ANKIB1: variants seen among roughly 807,000 people sequenced by gnomAD.
The protein encoded by ANKIB1 is ankyrin repeat and IBR domain-containing protein 1.
ANKIB1 carries 43 observed loss-of-function variants against 122.1 expected under a neutral mutation model. The ratio of observed to expected loss-of-function variants is 0.35; its 90% CI spans 0.28 to 0.45. The LOEUF is 0.45. Among genes scored for constraint, ANKIB1 ranks in the 20% least tolerant of loss-of-function variants. The pLI is 1.00. For synonymous variants in ANKIB1, 390 were observed against 442.0 expected (o/e 0.88, Z 1.48); for missense variants, 992 against 1,329.5 (o/e 0.75, Z 3.95).
At chr7:92,248,888 C>CTTTTTTTTTTTTTTTTTTTTTTTTTT (rs778549860) in intron 1 of ANKIB1, among the ~76,000 whole-genome samples, 1 of 123,040 alleles carries the variant, frequency 8.1e-6, no homozygotes, top group Non-Finnish European at 1.7e-5. Context: ...TCTTTTCTTT[C>CTTTTTTTTTTTTTTTTTTTTTTTTTT]TTTTTTTTTT....
At chr7:92,357,209 G>A (rs540080328) in intron 9 of ANKIB1, among the ~76,000 whole-genome samples, 6 of 152,246 alleles carry the variant, frequency 3.9e-5, no homozygotes, top group South Asian at 2.1e-4. Context: ...TTTGAGCTAC[G>A]TGGAGGAGTT....
chr7:92,376,012 CT>C (rs1804371014), intron 11 of ANKIB1, among the ~76,000 whole-genome samples: 3 of 152,148 alleles, frequency 2.0e-5, no homozygotes. Flanking sequence ...TAAAAGGAAT[CT>C]TTTTTTCTGA....
intron 5 of ANKIB1, among the ~76,000 whole-genome samples, chr7:92,339,497 G>A: frequency 6.6e-6 from 1 of 152,030 alleles, no homozygotes; most frequent in East Asian, 1.9e-4. Context: ...CAATTTCCTG[G>A]AATATTATCT....
At chr7:92,250,357 C>T (rs1044324392) in intron 1 of ANKIB1, among the ~76,000 whole-genome samples, 1 of 152,186 alleles carries the variant, frequency 6.6e-6, no homozygotes, top group Non-Finnish European at 1.5e-5. Context: ...CACGCCATTG[C>T]ACTCTAGCCT....
chr7:92,309,546 A>T (rs1802640939), intron 3 of ANKIB1, among the ~76,000 whole-genome samples: 1 of 152,098 alleles, frequency 6.6e-6, no homozygotes, highest in African/African-American at 2.4e-5. Flanking sequence ...ATAATGACTC[A>T]CCATTATTGA....
At chr7:92,334,826 A>T (rs758530581) in intron 5 of ANKIB1, among the ~76,000 whole-genome samples, 2 of 151,846 alleles carry the variant, frequency 1.3e-5, no homozygotes, top group African/African-American at 2.4e-5. Flanking sequence ...AACATACCAT[A>T]CTCTGTTGCT....
At chr7:92,305,470 A>G (rs1200431186) in intron 2 of ANKIB1, among the ~76,000 whole-genome samples, 1 of 152,252 alleles carries the variant, frequency 6.6e-6, no homozygotes, top group Non-Finnish European at 1.5e-5. Flanking sequence ...AACAGAATAT[A>G]GGCCCTGCCT....
At chr7:92,318,737 G>A (rs1055240906) in intron 3 of ANKIB1, among the ~76,000 whole-genome samples, 13 of 152,136 alleles carry the variant, frequency 8.5e-5, no homozygotes, top group African/African-American at 3.1e-4. Context: ...GGATTTCTTT[G>A]GGTCAAAGAG....
At chr7:92,383,071 C>A (rs1201877085) in intron 11 of ANKIB1, among the ~76,000 whole-genome samples, 1 of 152,094 alleles carries the variant, frequency 6.6e-6, no homozygotes, top group African/African-American at 2.4e-5. Context: ...CACCACTAAT[C>A]CCACAGAAAT....
chr7:92,289,107 A>G (rs1366431357), intron 1 of ANKIB1, among the ~76,000 whole-genome samples: 1 of 152,234 alleles, frequency 6.6e-6, no homozygotes, highest in African/African-American at 2.4e-5. Context: ...GCTGGAAACA[A>G]CCAAGTTGTC....
intron 7 of ANKIB1, among the ~76,000 whole-genome samples, chr7:92,350,006 A>C: frequency 7.1e-6 from 1 of 141,120 alleles, no homozygotes; most frequent in East Asian, 2.0e-4. Flanking sequence ...ACCCCATCTT[A>C]AAAAAAAAAA....
intron 1 of ANKIB1, among the ~76,000 whole-genome samples, chr7:92,261,348 CAA>C (rs765326035): frequency 9.4e-5 from 6 of 63,734 alleles, no homozygotes; most frequent in Non-Finnish European, 1.0e-4. Flanking sequence ...GACTCCGTCT[CAA>C]AAAAAAAAAA....
intron 11 of ANKIB1, among the ~76,000 whole-genome samples, chr7:92,384,854 A>C (rs1804598043): frequency 6.6e-6 from 1 of 152,266 alleles, no homozygotes; most frequent in African/African-American, 2.4e-5. Flanking sequence ...AAACACCAAA[A>C]GCAATGGCAA....
At chr7:92,329,133 A>C (rs774450587) in intron 5 of ANKIB1, among the ~76,000 whole-genome samples, 1 of 151,744 alleles carries the variant, frequency 6.6e-6, no homozygotes, top group African/African-American at 2.4e-5. Context: ...ACACCCGGCT[A>C]ATTTTTGTAT....
At chr7:92,325,097 G>A (rs1413564867) in intron 4 of ANKIB1, among the ~76,000 whole-genome samples, 8 of 152,188 alleles carry the variant, frequency 5.3e-5, no homozygotes, top group Admixed American at 5.2e-4. Flanking sequence ...AAACATTAGC[G>A]AGTATTAGAC....
intron 7 of ANKIB1, among the ~76,000 whole-genome samples, chr7:92,346,029 C>A (rs753816992): frequency 6.6e-6 from 1 of 152,116 alleles, no homozygotes; most frequent in Non-Finnish European, 1.5e-5. Flanking sequence ...CTGTCATTCC[C>A]AGGTTTCCTC....
chr7:92,302,416 T>A (rs1802475514), intron 2 of ANKIB1, among the ~76,000 whole-genome samples: 1 of 152,196 alleles, frequency 6.6e-6, no homozygotes, highest in Non-Finnish European at 1.5e-5. Flanking sequence ...TAGAATAATA[T>A]GGTAATAGAT....
chr7:92,256,751 C>A (rs545095850), intron 1 of ANKIB1, among the ~76,000 whole-genome samples: 1 of 152,308 alleles, frequency 6.6e-6, no homozygotes, highest in South Asian at 2.1e-4. Flanking sequence ...ACCTCAGAAC[C>A]CTTGTGACAT....
At chr7:92,295,854 A>G (rs1326997979) in intron 2 of ANKIB1, among the ~76,000 whole-genome samples, 2 of 152,230 alleles carry the variant, frequency 1.3e-5, no homozygotes, top group African/African-American at 4.8e-5. Context: ...TTTGATATTT[A>G]CTAGCTTATA....
Sources: allele counts gnomAD v4.1 joint callset (sites outside exome capture counted in the v4.1 genomes callset), GRCh38; gene constraint gnomAD v4.1.1; transcripts MANE v1.5; gene names NCBI Gene and HGNC (gene_info 2026-07-23, HGNC 2026-07-21).